Variants in CTNNA3 observed in about 807,000 individuals in gnomAD.
The protein encoded by CTNNA3 is catenin alpha 3.
A neutral mutation model predicts 95.7 loss-of-function variants in CTNNA3; 76 were observed. The observed-to-expected ratio is 0.79, with a 90% CI of 0.66 to 0.96. The LOEUF (loss-of-function observed/expected upper bound fraction) is 0.96. Ranked by LOEUF, CTNNA3 falls within the 40% of genes least tolerant of loss-of-function variation. The probability of loss-of-function intolerance (pLI) is 0.00; values close to 1 mark genes in which losing one functional copy is unlikely to be tolerated. For synonymous variants in CTNNA3, 431 were observed against 374.4 expected, an observed-to-expected ratio of 1.15 and a Z score of -1.74; for missense variants, 1,191 against 1,089.8, an observed-to-expected ratio of 1.09 and a Z score of -1.31.
At position 66,927,796 on chromosome 10, in the gene CTNNA3, G is replaced by T; in HGVS notation, c.1048-152272C>A. 1 of 1,614,180 alleles carries T rather than the reference G, an allele frequency of 6.2e-7. No individual in the cohort carries two copies. The highest frequency in any genetic ancestry group is 8.5e-7 in the Non-Finnish European group (1 of 1,180,036). ...GGATTCCAACAAGCTCACATTTATTGGTCAAGAGATTTTGGATTCTTGGAT... is the reference window on the plus strand; with the variant it reads ...GGATTCCAACAAGCTCACATTTATTTGTCAAGAGATTTTGGATTCTTGGAT... On this transcript the variant is annotated intron_variant, in intron 7 of 17. Transcript: ENST00000433211. The surrounding 1 kb of genome is among the most constrained non-coding windows in gnomAD (Gnocchi z 4.7).
chr10:66,005,304 C>G (rs1275974140), intron 15 of CTNNA3, among the ~76,000 whole-genome samples: 1 of 152,142 alleles, frequency 6.6e-6, no homozygotes, highest in Non-Finnish European at 1.5e-5. Flanking sequence ...GGAGTCACTA[C>G]CAAGTAGTCA....
At chr10:67,089,638 C>T (rs1248791721) in intron 7 of CTNNA3, among the ~76,000 whole-genome samples, 1 of 151,492 alleles carries the variant, frequency 6.6e-6, no homozygotes, top group Non-Finnish European at 1.5e-5. Context: ...AAGATGGCTA[C>T]CTCATTTGGC....
rs1008386028 is a variant in CTNNA3 at position 66,161,853 on chromosome 10, G to A, written c.1885-58604C>T. Among the ~76,000 whole-genome samples the A allele has an allele frequency of 4.6e-5, 7 of 152,094 alleles. No homozygotes were observed. The South Asian group carries it at 6.2e-4, about 14-fold the overall frequency. ...ACACTGATTATTCTTAGGTTTGGTC[G>A]TTTAACATAATCCCAGACTTCTTGG... is the stretch of plus-strand genomic sequence containing the variant. On this transcript the variant is annotated intron_variant, in intron 13 of 17. Coordinates refer to ENST00000433211, the MANE Select transcript of CTNNA3 (RefSeq NM_013266.4).
At chr10:67,629,902 T>C (rs1839084878) in intron 2 of CTNNA3, among the ~76,000 whole-genome samples, 1 of 152,206 alleles carries the variant, frequency 6.6e-6, no homozygotes, top group Non-Finnish European at 1.5e-5. Flanking sequence ...TCTGTGTATC[T>C]TTCAGCTTTG....
At chr10:67,693,673 A>G (rs1170803521) in intron 1 of CTNNA3, among the ~76,000 whole-genome samples, 1 of 152,150 alleles carries the variant, frequency 6.6e-6, no homozygotes, top group Non-Finnish European at 1.5e-5. Flanking sequence ...ATAATTCATA[A>G]CTCTACCTCT....
intron 7 of CTNNA3, among the ~76,000 whole-genome samples, chr10:66,897,078 G>C (rs1845524292): frequency 6.6e-6 from 1 of 152,062 alleles, no homozygotes; most frequent in Non-Finnish European, 1.5e-5. Context: ...TTGAATGAAT[G>C]AATGAGATTA....
intron 5 of CTNNA3, among the ~76,000 whole-genome samples, chr10:67,230,631 G>T (rs548398503): frequency 6.6e-6 from 1 of 152,158 alleles, no homozygotes; most frequent in Non-Finnish European, 1.5e-5. Flanking sequence ...GTGGGCTAAG[G>T]ACATGAATAG....
At position 67,224,986 on chromosome 10, in the gene CTNNA3, C is replaced by G. The variant is rs560469998; in HGVS notation, c.580-5116G>C. Among the ~76,000 whole-genome samples the G allele has an allele frequency of 5.9e-5, 9 of 152,314 alleles. No homozygotes were observed. In the East Asian group the frequency reaches 1.5e-3, roughly 26 times the overall value. On this transcript the variant is annotated intron_variant, in intron 5 of 17. Coordinates refer to ENST00000433211, the MANE Select transcript of CTNNA3 (RefSeq NM_013266.4). ...AGGCAGGTAGCCTGGGGCAAGTTCTCAAGCCCAGCTTGCCCACCACCTGGA... is the reference window on the plus strand; with the variant it reads ...AGGCAGGTAGCCTGGGGCAAGTTCTGAAGCCCAGCTTGCCCACCACCTGGA...
At chr10:67,190,228 A>T (rs1409814003) in intron 6 of CTNNA3, among the ~76,000 whole-genome samples, 1 of 152,044 alleles carries the variant, frequency 6.6e-6, no homozygotes, top group Non-Finnish European at 1.5e-5. Context: ...TGTGGGATGA[A>T]TCTATATATA....
intron 13 of CTNNA3, among the ~76,000 whole-genome samples, chr10:66,220,586 G>A (rs906258393): frequency 1.1e-4 from 17 of 152,062 alleles, no homozygotes; most frequent in Non-Finnish European, 2.2e-4. Flanking sequence ...TCTGTATTTC[G>A]AGCTCTTGTT....
At chr10:66,189,606 A>T (rs867958056) in intron 13 of CTNNA3, among the ~76,000 whole-genome samples, 6 of 99,944 alleles carry the variant, frequency 6.0e-5, no homozygotes, top group Admixed American at 9.1e-5. Flanking sequence ...AGATTTATAT[A>T]TATATATATA....
At chr10:66,588,181 T>C (rs2132220543) in intron 10 of CTNNA3, among the ~76,000 whole-genome samples, 2 of 152,122 alleles carry the variant, frequency 1.3e-5, no homozygotes, top group Admixed American at 1.3e-4. Flanking sequence ...AGTGTTAAGA[T>C]CTGCCTCCAT....
chr10:66,987,914 G>C (rs761153548), intron 7 of CTNNA3, among the ~76,000 whole-genome samples: 17 of 151,954 alleles, frequency 1.1e-4, no homozygotes, highest in Admixed American at 5.9e-4. Context: ...AAAAAATCAG[G>C]TTTTCAATTT....
chr10:67,257,210 T>G (rs1866388229), intron 5 of CTNNA3, among the ~76,000 whole-genome samples: 1 of 152,224 alleles, frequency 6.6e-6, no homozygotes. Context: ...GAGAGATAAT[T>G]GCATAGCTAT....
At chr10:67,422,669 A>C (rs1845787334) in intron 5 of CTNNA3, among the ~76,000 whole-genome samples, 1 of 152,102 alleles carries the variant, frequency 6.6e-6, no homozygotes, top group Admixed American at 6.6e-5. Context: ...ACATGTGGGC[A>C]CATTCTCATT....
At chr10:66,474,804 A>T (rs574146635) in intron 11 of CTNNA3, among the ~76,000 whole-genome samples, 1 of 151,932 alleles carries the variant, frequency 6.6e-6, no homozygotes, top group South Asian at 2.1e-4. Context: ...GATGCCGAAC[A>T]TTTTTTCATA....
intron 1 of CTNNA3, among the ~76,000 whole-genome samples, chr10:67,662,740 T>C (rs1362898068): frequency 6.6e-6 from 1 of 152,202 alleles, no homozygotes; most frequent in Non-Finnish European, 1.5e-5. Context: ...AAAGAAACTT[T>C]TTAGCATGTT....
intron 7 of CTNNA3, among the ~76,000 whole-genome samples, chr10:66,965,951 G>A (rs1353993727): frequency 6.6e-6 from 1 of 152,008 alleles, no homozygotes; most frequent in Non-Finnish European, 1.5e-5. Context: ...CACTATATAA[G>A]TCTGGAGAGG....
chr10:66,692,509 G>C (rs1285540628), intron 9 of CTNNA3, among the ~76,000 whole-genome samples: 2 of 152,110 alleles, frequency 1.3e-5, no homozygotes, highest in African/African-American at 2.4e-5. Context: ...AAGTGACGGG[G>C]AGAATGGAAC....
Sources: allele counts gnomAD v4.1 joint callset (sites outside exome capture counted in the v4.1 genomes callset), GRCh38; gene constraint gnomAD v4.1.1; non-coding constraint Gnocchi (gnomAD v3.1); transcripts MANE v1.5; gene names NCBI Gene and HGNC (gene_info 2026-07-23, HGNC 2026-07-21).